The following CSMD1 variants were observed in gnomAD, a reference collection of about 807,000 sequenced individuals.
CSMD1 encodes the protein CUB and sushi domain-containing protein 1.
In CSMD1, 213 loss-of-function variants were observed where a neutral mutation model predicts 417.5. That is an observed-to-expected ratio of 0.51 (90% confidence interval 0.46 to 0.57). CSMD1 has a LOEUF of 0.57. Ranked by LOEUF, CSMD1 falls within the 20% of genes least tolerant of loss-of-function variation. The pLI is 0.00. For synonymous variants in CSMD1, 2,862 were observed against 1,736.8 expected (o/e 1.65, Z -16.11); for missense variants, 6,923 against 4,529.7 (o/e 1.53, Z -15.17).
At chr8:3,007,056 T>C (rs928601360) in intron 52 of CSMD1, among the ~76,000 whole-genome samples, 1 of 145,228 alleles carries the variant, frequency 6.9e-6, no homozygotes, top group Admixed American at 6.7e-5. Context: ...GAATCTACAA[T>C]GAACTCAAAC....
chr8:4,302,644 A>G (rs1351928212), intron 3 of CSMD1, among the ~76,000 whole-genome samples: 1 of 152,206 alleles, frequency 6.6e-6, no homozygotes, highest in Non-Finnish European at 1.5e-5. Context: ...ACAAAGGTCA[A>G]AACTAATAGC....
At chr8:3,922,005 T>C (rs1809309210) in intron 5 of CSMD1, among the ~76,000 whole-genome samples, 1 of 152,290 alleles carries the variant, frequency 6.6e-6, no homozygotes, top group Middle Eastern at 3.4e-3. Flanking sequence ...ACTGTTAATA[T>C]ATTGTTTTCT....
intron 5 of CSMD1, among the ~76,000 whole-genome samples, chr8:3,781,364 C>G (rs1030036686): frequency 1.3e-5 from 2 of 152,022 alleles, no homozygotes; most frequent in African/African-American, 4.8e-5. Flanking sequence ...AGGGTCAGGT[C>G]AAGCGCATTC....
chr8:4,959,894 T>C (rs1307091826), intron 1 of CSMD1, among the ~76,000 whole-genome samples: 1 of 152,210 alleles, frequency 6.6e-6, no homozygotes, highest in Non-Finnish European at 1.5e-5. Context: ...TCATTAGAAT[T>C]GCAACAACAA....
chr8:3,210,166 C>A lies in CSMD1; in HGVS notation c.4867+4331G>T, dbSNP rs184519919. Among the ~76,000 whole-genome samples the A allele has an allele frequency of 2.6e-3, 395 of 152,242 alleles. 2 individuals are homozygous for A. The highest frequency in any genetic ancestry group is 3.2e-3 in the Non-Finnish European group (215 of 68,024). ...ACTGTTGATCTGAATAAATCACAGG[C>A]GCTGGTTCATGCACAAATGTGCTGC... is the stretch of plus-strand genomic sequence containing the variant. On this transcript the variant is annotated intron_variant, in intron 30 of 69. Transcript: ENST00000635120.
At chr8:4,383,940 G>C (rs933705964) in intron 3 of CSMD1, among the ~76,000 whole-genome samples, 1 of 152,114 alleles carries the variant, frequency 6.6e-6, no homozygotes, top group South Asian at 2.1e-4. Flanking sequence ...AGAAAAATGC[G>C]TTCTCTTTTA....
At chr8:3,992,328 G>T (rs1038876624) in intron 5 of CSMD1, among the ~76,000 whole-genome samples, 5 of 152,070 alleles carry the variant, frequency 3.3e-5, no homozygotes, top group African/African-American at 1.2e-4. Context: ...GGGAACTCTG[G>T]GGTGACAGTT....
intron 5 of CSMD1, among the ~76,000 whole-genome samples, chr8:3,892,591 T>C (rs961239741): frequency 1.4e-4 from 21 of 152,044 alleles, no homozygotes; most frequent in Non-Finnish European, 1.0e-4. Flanking sequence ...GTTAAATCTG[T>C]TCTCTCCCCA....
chr8:4,198,149 G>A (rs920093377), intron 3 of CSMD1, among the ~76,000 whole-genome samples: 1 of 152,212 alleles, frequency 6.6e-6, no homozygotes, highest in Non-Finnish European at 1.5e-5. Context: ...CTTAAATGAT[G>A]ATCAGCAGTC....
chr8:4,237,221 T>C (rs1486592704), intron 3 of CSMD1, among the ~76,000 whole-genome samples: 1 of 152,198 alleles, frequency 6.6e-6, no homozygotes, highest in African/African-American at 2.4e-5. Context: ...ATTGTTTAAT[T>C]TTTTCCGAAG....
At chr8:3,588,749 C>A (rs1416123342) in intron 8 of CSMD1, among the ~76,000 whole-genome samples, 2 of 129,704 alleles carry the variant, frequency 1.5e-5, no homozygotes, top group Non-Finnish European at 3.7e-5. Flanking sequence ...CAAACTAAAA[C>A]CCTTACGCAC....
At chr8:4,612,915 A>G (rs1338666526) in intron 2 of CSMD1, among the ~76,000 whole-genome samples, 1 of 152,170 alleles carries the variant, frequency 6.6e-6, no homozygotes, top group African/African-American at 2.4e-5. Flanking sequence ...ATAGGCAGAG[A>G]TTTTATGTAC....
At chr8:4,604,410 T>TGTGTGTGTGTGTGCGC (rs59349269) in intron 2 of CSMD1, among the ~76,000 whole-genome samples, 4 of 146,150 alleles carry the variant, frequency 2.7e-5, no homozygotes, top group Non-Finnish European at 4.5e-5. Flanking sequence ...TGTGTGTGTG[T>TGTGTGTGTGTGTGCGC]GCGCGTGCGT....
intron 41 of CSMD1, among the ~76,000 whole-genome samples, chr8:3,126,480 G>A (rs1253750477): frequency 2.6e-5 from 4 of 152,088 alleles, no homozygotes; most frequent in African/African-American, 9.7e-5. Context: ...TGAAGACTTT[G>A]AAGCCCCGCT....
chr8:4,918,266 G>C (rs763674291), intron 1 of CSMD1, among the ~76,000 whole-genome samples: 1 of 152,174 alleles, frequency 6.6e-6, no homozygotes, highest in Non-Finnish European at 1.5e-5. Flanking sequence ...AAGCATGTGA[G>C]CTTTCTGGGA....
At chr8:4,759,100 G>A (rs1222854139) in intron 1 of CSMD1, among the ~76,000 whole-genome samples, 1 of 152,194 alleles carries the variant, frequency 6.6e-6, no homozygotes, top group Non-Finnish European at 1.5e-5. Flanking sequence ...TAAAGAGTGA[G>A]GGAAATGCAT....
intron 2 of CSMD1, among the ~76,000 whole-genome samples, chr8:4,620,692 G>C (rs1349754319): frequency 6.6e-6 from 1 of 151,790 alleles, no homozygotes; most frequent in Admixed American, 6.6e-5. Flanking sequence ...AGAGAAGTTA[G>C]AAAATATTTT....
intron 5 of CSMD1, among the ~76,000 whole-genome samples, chr8:3,810,225 G>C (rs750302866): frequency 1.3e-5 from 2 of 152,164 alleles, no homozygotes; most frequent in East Asian, 1.9e-4. Flanking sequence ...TGACAGTATA[G>C]AGAAGTTTTC....
intron 11 of CSMD1, among the ~76,000 whole-genome samples, chr8:3,478,441 C>T (rs1045587267): frequency 6.6e-6 from 1 of 152,000 alleles, no homozygotes; most frequent in Non-Finnish European, 1.5e-5. Flanking sequence ...TTTTTCCTTC[C>T]CCCTCTGTGT....
Sources: allele counts gnomAD v4.1 joint callset (sites outside exome capture counted in the v4.1 genomes callset), GRCh38; gene constraint gnomAD v4.1.1; transcripts MANE v1.5; gene names NCBI Gene and HGNC (gene_info 2026-07-23, HGNC 2026-07-21).